PDZD2: variants seen among roughly 807,000 people sequenced by gnomAD.
PDZD2 encodes the protein PDZ domain containing 2, also known as PDZ domain-containing protein 2.
In PDZD2, 90 loss-of-function variants were observed where a neutral mutation model predicts 220.7. The ratio of observed to expected loss-of-function variants is 0.41; its 90% CI spans 0.34 to 0.49. The LOEUF is 0.49. Among genes scored for constraint, PDZD2 ranks in the 20% least tolerant of loss-of-function variants. The probability of loss-of-function intolerance (pLI) is 0.28; values close to 1 mark genes in which losing one functional copy is unlikely to be tolerated. For synonymous variants in PDZD2, 1,375 were observed against 1,450.5 expected (o/e 0.95, Z 1.18); for missense variants, 3,174 against 3,608.5 (o/e 0.88, Z 3.08).
At chr5:32,012,394 G>C (rs1194911812) in intron 6 of PDZD2, among the ~76,000 whole-genome samples, 1 of 151,362 alleles carries the variant, frequency 6.6e-6, no homozygotes, top group Non-Finnish European at 1.5e-5. Flanking sequence ...ATTTTTTTTT[G>C]TTTTTTAGAG....
chr5:31,991,792 G>A (rs1751230458), intron 3 of PDZD2, among the ~76,000 whole-genome samples: 1 of 152,178 alleles, frequency 6.6e-6, no homozygotes, highest in African/African-American at 2.4e-5. Context: ...ACTTTGGGAG[G>A]CCGAGGTGGG....
At chr5:31,793,123 C>A (rs1442116036) in intron 1 of PDZD2, among the ~76,000 whole-genome samples, 1 of 152,104 alleles carries the variant, frequency 6.6e-6, no homozygotes, top group Non-Finnish European at 1.5e-5. Flanking sequence ...CAGGCGTGAG[C>A]CACTGGGGCC....
intron 24 of PDZD2, among the ~76,000 whole-genome samples, chr5:32,106,804 G>GTATC (rs1257201486): frequency 1.7e-4 from 26 of 152,188 alleles, no homozygotes; most frequent in African/African-American, 5.5e-4. Flanking sequence ...TTCCAAAAAT[G>GTATC]TATCTATCTC....
chr5:31,904,357 G>T (rs1252960036), intron 2 of PDZD2, among the ~76,000 whole-genome samples: 1 of 152,144 alleles, frequency 6.6e-6, no homozygotes, highest in Non-Finnish European at 1.5e-5. Context: ...GGTCATGGAT[G>T]AAGCCAAGAA....
chr5:32,039,028 A>T (rs1052129429), intron 7 of PDZD2, among the ~76,000 whole-genome samples: 1 of 152,084 alleles, frequency 6.6e-6, no homozygotes, highest in African/African-American at 2.4e-5. Flanking sequence ...CACTGCTCCA[A>T]GTTTATTCTC....
chr5:32,072,322 G>A lies in PDZD2; in HGVS notation c.2725+5G>A. ...GCCTGCCTCCCAGCACCTCCAGTAAGCAGGGGTGCCCCAGAGGGCCTGGGC... is the reference window on the plus strand; with the variant it reads ...GCCTGCCTCCCAGCACCTCCAGTAAACAGGGGTGCCCCAGAGGGCCTGGGC... On this transcript the variant is annotated splice_donor_5th_base_variant and intron_variant, in intron 17 of 24. Transcript: ENST00000438447. 1 of 1,608,104 alleles carries A rather than the reference G, an allele frequency of 6.2e-7. No individual in the cohort carries two copies. Among genetic ancestry groups the A allele is most frequent in the Non-Finnish European group, 8.5e-7 (1 of 1,176,598 alleles).
intron 2 of PDZD2, among the ~76,000 whole-genome samples, chr5:31,949,188 T>C (rs183843964): frequency 3.7e-3 from 567 of 151,846 alleles, no homozygotes; most frequent in Non-Finnish European, 4.5e-3. Flanking sequence ...TACAGAATCT[T>C]GGAGCAGTAG....
chr5:31,985,387 T>A (rs1247795373), intron 3 of PDZD2, among the ~76,000 whole-genome samples: 2 of 152,168 alleles, frequency 1.3e-5, no homozygotes, highest in African/African-American at 4.8e-5. Context: ...ACAGTGGAAA[T>A]AATTTGGAAT....
At chr5:31,751,684 T>C (rs1000683708) in intron 1 of PDZD2, among the ~76,000 whole-genome samples, 1 of 152,138 alleles carries the variant, frequency 6.6e-6, no homozygotes, top group Non-Finnish European at 1.5e-5. Context: ...ACCGGGGACA[T>C]GAGCAGCCAG....
At chr5:31,853,177 T>A (rs1758159418) in intron 2 of PDZD2, among the ~76,000 whole-genome samples, 1 of 152,116 alleles carries the variant, frequency 6.6e-6, no homozygotes, top group Admixed American at 6.6e-5. Flanking sequence ...TTATAATATG[T>A]GTAAGCCAGA....
chr5:31,894,902 T>C (rs956826927), intron 2 of PDZD2, among the ~76,000 whole-genome samples: 3 of 152,286 alleles, frequency 2.0e-5, no homozygotes, highest in Admixed American at 2.0e-4. Context: ...TTCCCTTCCC[T>C]TCCCTTGATG....
chr5:31,996,219 T>C (rs1751621947), intron 4 of PDZD2, among the ~76,000 whole-genome samples: 1 of 152,162 alleles, frequency 6.6e-6, no homozygotes, highest in South Asian at 2.1e-4. Flanking sequence ...CGTGCAGATG[T>C]GGAAGGGAAA....
chr5:32,034,814 A>G (rs1027240689), intron 6 of PDZD2, among the ~76,000 whole-genome samples: 1 of 152,196 alleles, frequency 6.6e-6, no homozygotes, highest in African/African-American at 2.4e-5. Context: ...TATGTGGCCC[A>G]GAGCTCAGGA....
intron 2 of PDZD2, among the ~76,000 whole-genome samples, chr5:31,835,985 G>A (rs10520990): frequency 0.088 from 13,326 of 152,102 alleles, 745 homozygotes; most frequent in Middle Eastern, 0.14. Context: ...AACCCTTGTG[G>A]GTCTCAATTT....
At chr5:31,934,607 T>TA (rs5867117) in intron 2 of PDZD2, among the ~76,000 whole-genome samples, 91,554 of 118,032 alleles carry the variant, frequency 0.78, 35,740 homozygotes, top group Middle Eastern at 0.82. Context: ...ACCATCTAAT[T>TA]AAAAAAAAAA....
intron 2 of PDZD2, among the ~76,000 whole-genome samples, chr5:31,958,410 C>T (rs1434241518): frequency 2.0e-5 from 3 of 151,792 alleles, no homozygotes; most frequent in East Asian, 3.9e-4. Context: ...CCTGCCACTG[C>T]GCCTAGCTAA....
At chr5:31,807,747 G>A (rs1754825213) in intron 2 of PDZD2, among the ~76,000 whole-genome samples, 1 of 152,168 alleles carries the variant, frequency 6.6e-6, no homozygotes, top group East Asian at 1.9e-4. Context: ...TGAGTTCCGG[G>A]AGTGTGAGAA....
chr5:32,058,271 A>G (rs763551314), intron 12 of PDZD2, among the ~76,000 whole-genome samples, 168 bp downstream of exon 12: 2 of 151,632 alleles, frequency 1.3e-5, no homozygotes, highest in Non-Finnish European at 2.9e-5. Context: ...GAGAGATGTT[A>G]GTCACTTTAG....
chr5:31,821,274 A>G (rs1755829765), intron 2 of PDZD2, among the ~76,000 whole-genome samples: 1 of 142,890 alleles, frequency 7.0e-6, no homozygotes, highest in African/African-American at 2.6e-5. Flanking sequence ...TTTAATGGGC[A>G]TTTATTTTGA....
Sources: gnomAD v4.1 joint callset for allele counts (sites outside exome capture counted in the v4.1 genomes callset) on GRCh38, gnomAD v4.1.1 for gene constraint, MANE v1.5 for transcripts, NCBI Gene and HGNC (gene_info 2026-07-23, HGNC 2026-07-21) for gene names.